MDGA2: variants seen among roughly 807,000 people sequenced by gnomAD.
MDGA2 encodes the protein MAM domain containing glycosylphosphatidylinositol anchor 2, also known as MAM domain-containing glycosylphosphatidylinositol anchor protein 2.
Under a neutral mutation model 117.8 loss-of-function variants are expected in MDGA2, and 40 were observed. The ratio of observed to expected loss-of-function variants is 0.34; its 90% CI spans 0.26 to 0.44. MDGA2 has a LOEUF of 0.44. Ranked by LOEUF, MDGA2 falls within the 20% of genes least tolerant of loss-of-function variation. The pLI is 1.00. For missense variants in MDGA2, 1,123 were observed against 1,250.6 expected (o/e 0.90, Z 1.54); for synonymous variants, 452 against 439.0 (o/e 1.03, Z -0.37).
rs1325724509 is a variant in MDGA2 at position 47,674,644 on chromosome 14, G to A, written c.153C>T (p.Leu51=). The A allele has an allele frequency of 2.7e-6, 4 of 1,504,402 alleles. No homozygotes were observed. The highest frequency in any genetic ancestry group is 3.6e-6 in the Non-Finnish European group (4 of 1,104,826). The allele number at this position is 1,504,402 out of a possible 1,614,324, so 93.2% of individuals were successfully genotyped here. A position where few individuals can be genotyped will look rare whatever the true frequency, so the allele number is the denominator to read the frequency against. The change falls in exon 1 of 17, where the codon CTC becomes CTT. Residue 51 remains leucine (L), a synonymous_variant. Coordinates refer to ENST00000399232, the MANE Select transcript of MDGA2 (RefSeq NM_001113498.3). ...RVERAWLAAG[L]LKVPLRTPWA... ...AGGGGGTACGCAACGGGACCTTCAG[G>A]AGGCCGGCGGCCAGCCAGGCGCGCT...
At chr14:46,980,718 A>G (rs1158270903) in intron 8 of MDGA2, among the ~76,000 whole-genome samples, 2 of 152,218 alleles carry the variant, frequency 1.3e-5, no homozygotes, top group African/African-American at 4.8e-5. Flanking sequence ...ACATCAAGGC[A>G]AGACCCTCCA....
At chr14:46,998,438 G>C (rs910968726) in intron 8 of MDGA2, among the ~76,000 whole-genome samples, 6 of 152,008 alleles carry the variant, frequency 3.9e-5, no homozygotes, top group African/African-American at 7.2e-5. Context: ...ATATTATCTG[G>C]ACATGTTTAA....
chr14:47,289,751 T>C (rs1263033455), intron 2 of MDGA2, among the ~76,000 whole-genome samples: 1 of 152,170 alleles, frequency 6.6e-6, no homozygotes, highest in Non-Finnish European at 1.5e-5. Flanking sequence ...ACTTATTTCA[T>C]ATCAACTCTT....
At chr14:47,239,969 A>G (rs750426890) in intron 2 of MDGA2, among the ~76,000 whole-genome samples, 2 of 151,720 alleles carry the variant, frequency 1.3e-5, no homozygotes, top group Non-Finnish European at 2.9e-5. Flanking sequence ...TAACCTTGTC[A>G]CTCAAAGAGC....
chr14:47,032,716 T>A (rs1888706017), intron 8 of MDGA2, among the ~76,000 whole-genome samples: 1 of 152,194 alleles, frequency 6.6e-6, no homozygotes, highest in Non-Finnish European at 1.5e-5. Context: ...CTGGCAGAGA[T>A]TACATGCCTG....
At chr14:47,143,983 G>A in intron 4 of MDGA2, 95 bp downstream of exon 4, 1 of 956,604 alleles carries the variant, frequency 1.0e-6, no homozygotes, top group South Asian at 2.5e-5. Context: ...CCAGAATAGA[G>A]AAACTATCTT....
At chr14:46,995,640 GATA>G (rs1421147003) in intron 8 of MDGA2, among the ~76,000 whole-genome samples, 2 of 151,336 alleles carry the variant, frequency 1.3e-5, no homozygotes, top group African/African-American at 4.9e-5. Flanking sequence ...TGTTTCATTT[GATA>G]ATATTTATAT....
intron 1 of MDGA2, among the ~76,000 whole-genome samples, chr14:47,398,582 A>C (rs969024204): frequency 2.0e-5 from 3 of 152,210 alleles, no homozygotes; most frequent in African/African-American, 7.2e-5. Context: ...TTCCAGCTAC[A>C]TATGAGAAAA....
At chr14:47,328,677 T>C (rs1338939879) in intron 1 of MDGA2, among the ~76,000 whole-genome samples, 1 of 152,122 alleles carries the variant, frequency 6.6e-6, no homozygotes, top group East Asian at 1.9e-4. Context: ...CTGTTTTTAC[T>C]TTTCCAGGTA....
chr14:47,067,140 A>G (rs1016979186), intron 6 of MDGA2, among the ~76,000 whole-genome samples: 16 of 152,272 alleles, frequency 1.1e-4, no homozygotes, highest in African/African-American at 3.9e-4. Context: ...ACAACCAACC[A>G]AAGTGTAACA....
At chr14:47,066,206 A>C (rs1954242) in intron 6 of MDGA2, among the ~76,000 whole-genome samples, 49,549 of 152,000 alleles carry the variant, frequency 0.33, 8,689 homozygotes, top group East Asian at 0.53. Flanking sequence ...GAGTGGGTAC[A>C]CCTTACTCTT....
At chr14:47,023,198 TAAAA>T (rs71985853) in intron 8 of MDGA2, among the ~76,000 whole-genome samples, 3 of 102,860 alleles carry the variant, frequency 2.9e-5, no homozygotes, top group Admixed American at 9.8e-5. Context: ...TTCCCACTCG[TAAAA>T]AAAAAAAAAA....
intron 1 of MDGA2, among the ~76,000 whole-genome samples, chr14:47,618,741 T>C (rs1594946407): frequency 6.6e-6 from 1 of 152,108 alleles, no homozygotes; most frequent in Non-Finnish European, 1.5e-5. Context: ...CGAAATTAGA[T>C]TGAGTTTAAA....
intron 6 of MDGA2, among the ~76,000 whole-genome samples, chr14:47,071,796 A>T (rs1179587465): frequency 6.6e-6 from 1 of 152,134 alleles, no homozygotes; most frequent in Non-Finnish European, 1.5e-5. Context: ...TGTTTCAGAG[A>T]TCTGAATCAA....
At chr14:46,943,521 T>C (rs1349954421) in intron 9 of MDGA2, among the ~76,000 whole-genome samples, 5 of 152,094 alleles carry the variant, frequency 3.3e-5, no homozygotes, top group Admixed American at 6.6e-5. Flanking sequence ...AGGATTTTTA[T>C]ATGGCTTAAA....
intron 1 of MDGA2, among the ~76,000 whole-genome samples, chr14:47,371,561 G>T (rs1891359877): frequency 1.3e-5 from 2 of 151,658 alleles, no homozygotes; most frequent in South Asian, 4.2e-4. Flanking sequence ...GTTTGAGGAT[G>T]GTAAGGCAAA....
rs113073116 is a variant in MDGA2 at position 46,918,843 on chromosome 14, A to G, written c.2238+1169T>C. ...GTGGCGCGACCTCGGCTCGCTGCAA[A>G]CTCCGCCTCCCAGGTTCACGCCATT... On this transcript the variant is annotated intron_variant, in intron 10 of 16. Transcript: ENST00000399232. Among the ~76,000 whole-genome samples the G allele has an allele frequency of 1.1e-4, 17 of 148,498 alleles. 1 individual carries two copies. Among genetic ancestry groups the G allele is most frequent in the African/African-American group, 3.3e-4 (13 of 39,270 alleles).
intron 2 of MDGA2, among the ~76,000 whole-genome samples, chr14:47,282,311 G>A (rs1273389124): frequency 1.3e-5 from 2 of 152,080 alleles, no homozygotes; most frequent in African/African-American, 4.8e-5. Context: ...ACTTTCCATG[G>A]AATAATACTA....
intron 1 of MDGA2, among the ~76,000 whole-genome samples, chr14:47,488,089 T>C (rs1225097684): frequency 6.6e-6 from 1 of 152,084 alleles, no homozygotes; most frequent in East Asian, 1.9e-4. Flanking sequence ...AAGTCACTTG[T>C]TTTCGACCCT....
Sources: gnomAD v4.1 joint callset for allele counts (sites outside exome capture counted in the v4.1 genomes callset) on GRCh38, gnomAD v4.1.1 for gene constraint, MANE v1.5 for transcripts, NCBI Gene and HGNC (gene_info 2026-07-23, HGNC 2026-07-21) for gene names.